SLC25A51: variants seen among roughly 807,000 people sequenced by gnomAD.
The protein encoded by SLC25A51 is mitochondrial nicotinamide adenine dinucleotide transporter SLC25A51.
Under a neutral mutation model 19.1 loss-of-function variants are expected in SLC25A51, and 11 were observed. That is an observed-to-expected ratio of 0.58 (90% CI 0.36 to 0.96). The LOEUF is 0.96. Among genes scored for constraint, SLC25A51 ranks in the 40% least tolerant of loss-of-function variants. The pLI, the probability that SLC25A51 is intolerant of heterozygous loss-of-function variation, is 0.01. For synonymous variants in SLC25A51, 105 were observed against 133.6 expected, an observed-to-expected ratio of 0.79 and a Z score of 1.47; for missense variants, 201 against 365.4, an observed-to-expected ratio of 0.55 and a Z score of 3.67.
At position 37,900,569 on chromosome 9, in the gene SLC25A51, C is replaced by G. The variant is rs370546230; in HGVS notation, c.-164-619G>C. On this transcript the variant is annotated intron_variant, in intron 1 of 2. Coordinates refer to ENST00000242275, the MANE Select transcript of SLC25A51 (RefSeq NM_033412.4). The stretch of plus-strand genomic sequence containing the variant: ...TCAGTCTCCTGAGTAGCTAGGACCA[C>G]AGGCGCATGCCACCATGCTTGGCTA... Among the ~76,000 whole-genome samples the G allele has an allele frequency of 1.2e-4, 19 of 152,214 alleles. No individual in the cohort carries two copies. In the East Asian group the frequency reaches 3.7e-3, roughly 30 times the overall value.
chr9:37,896,977 G>A (rs530718811), intron 2 of SLC25A51, among the ~76,000 whole-genome samples: 13 of 152,200 alleles, frequency 8.5e-5, no homozygotes, highest in East Asian at 3.9e-4. Flanking sequence ...TCAAGGCCCC[G>A]TACAGCAGGA....
At chr9:37,886,920 T>C (rs1831469126), downstream of SLC25A51, among the ~76,000 whole-genome samples, 2 of 152,004 alleles carry the variant, frequency 1.3e-5, no homozygotes, top group African/African-American at 2.4e-5. Flanking sequence ...TCCCAGCACT[T>C]TGGGAGGCCG....
At chr9:37,885,892 A>G (rs755113915), downstream of SLC25A51, 63 of 1,490,860 alleles carry the variant, frequency 4.2e-5, no homozygotes, top group Non-Finnish European at 5.6e-5. Context: ...CCCCCTCCCC[A>G]TATATGGGCC....
intron 2 of SLC25A51, among the ~76,000 whole-genome samples, chr9:37,890,573 C>T (rs1831560638): frequency 6.6e-6 from 1 of 151,598 alleles, no homozygotes; most frequent in Non-Finnish European, 1.5e-5. Flanking sequence ...GGCATGATGG[C>T]GTACACCAGC....
At chr9:37,885,597 T>A (rs1329091604), downstream of SLC25A51, 3 of 732,400 alleles carry the variant, frequency 4.1e-6, no homozygotes, top group African/African-American at 5.3e-5. Flanking sequence ...CACTGTGAGT[T>A]TCACTCTTTT....
At chr9:37,893,803 C>T (rs1177976335) in intron 2 of SLC25A51, among the ~76,000 whole-genome samples, 1 of 152,082 alleles carries the variant, frequency 6.6e-6, no homozygotes, top group Admixed American at 6.5e-5. Context: ...GTATAACCTA[C>T]ATGAATAGAG....
chr9:37,878,853 A>G (rs967526480), downstream of SLC25A51: 16 of 162,936 alleles, frequency 9.8e-5, no homozygotes, highest in Non-Finnish European at 1.6e-4. Context: ...CCCAGACTCA[A>G]GCAATCCTCC....
chr9:37,888,371 C>T lies in SLC25A51; in HGVS notation c.180G>A (p.Leu60=), dbSNP rs61998253. The change falls in exon 3 of 3, where the codon CTG becomes CTA. Residue 60 remains leucine (L), a synonymous_variant. Coordinates refer to ENST00000242275, the MANE Select transcript of SLC25A51 (RefSeq NM_033412.4). ...TTGCATCCCGGGTTTTGATGCCATA[C>T]AGCTGTTGTCGAAAGAGGACCTTCT... ...PIQKVLFRQQ[L]YGIKTRDAIL... The T allele has an allele frequency of 6.2e-7, 1 of 1,614,236 alleles. No homozygotes were observed. Among genetic ancestry groups the T allele is most frequent in the Non-Finnish European group, 8.5e-7 (1 of 1,180,044 alleles).
At chr9:37,880,458 T>C (rs1831328615) in exon 4 of SLC25A51, 1 of 151,180 alleles carries the variant, frequency 6.6e-6, no homozygotes, top group Non-Finnish European at 1.5e-5. Context: ...GTCAGATAAA[T>C]AGATTTAAGG....
In SLC25A51 at chr9:37,888,013, G is replaced by T. The variant is rs1247273539; in HGVS notation, c.538C>A (p.Leu180Ile). 15 of 1,612,448 alleles carry T rather than the reference G, an allele frequency of 9.3e-6. No homozygotes were observed. The highest frequency in any genetic ancestry group is 1.1e-5 in the Non-Finnish European group (13 of 1,179,866). ...ACATTGCTGAGTCCATTCCGGAAAA[G>T]AATGGGCACCAAGCCTCGATAATAC... ...GEYYRGLVPI[L>I]FRNGLSNVLF... The change falls in exon 3 of 3, where the codon CTT becomes ATT. Residue 180 changes from leucine (L) to isoleucine (I), a missense_variant. Leu to Ile is a conservative substitution (Grantham distance 5). Transcript: ENST00000242275.
downstream of SLC25A51, among the ~76,000 whole-genome samples, chr9:37,885,397 T>C (rs1250520531): frequency 6.7e-6 from 1 of 148,702 alleles, no homozygotes; most frequent in Non-Finnish European, 1.5e-5. Context: ...GAACCTTTTA[T>C]CCTATTTTGT....
rs150323590 is a variant in SLC25A51 at position 37,890,763 on chromosome 9, G to A, written c.-42-2171C>T. Among the ~76,000 whole-genome samples the A allele has an allele frequency of 1.7e-3, 253 of 151,648 alleles. 1 individual carries two copies. The highest frequency in any genetic ancestry group is 5.4e-3 in the African/African-American group (222 of 41,356). ...GGATATAACCAAAACAATTGAAAGC[G>A]CAGTCTCAAAGACCTTGTACACCCA... is the stretch of plus-strand genomic sequence containing the variant. On this transcript the variant is annotated intron_variant, in intron 2 of 2. Coordinates refer to ENST00000242275, the MANE Select transcript of SLC25A51 (RefSeq NM_033412.4).
chr9:37,888,253 C>T lies in SLC25A51; in HGVS notation c.298G>A (p.Gly100Ser). 6.2e-7 allele frequency: 1 copy of T among 1,614,200 alleles called. No individual in the cohort carries two copies. Among genetic ancestry groups the T allele is most frequent in the Non-Finnish European group, 8.5e-7 (1 of 1,180,032 alleles). Residue 100 changes from glycine to serine, a missense_variant, in exon 3 of 3, where the codon GGT becomes AGT. By Grantham distance (56) the Gly-to-Ser change is moderately conservative (BLOSUM62 0). Coordinates refer to ENST00000242275, the MANE Select transcript of SLC25A51 (RefSeq NM_033412.4). ...AGGCAGGATAAATCCTCATACAGAC[C>T]AAACATAAGTGCAAGCGTAGTTGTC... ...QKTTTLALMF[G>S]LYEDLSCLLH...
At chr9:37,898,368 C>T (rs1279503949) in intron 2 of SLC25A51, among the ~76,000 whole-genome samples, 1 of 152,176 alleles carries the variant, frequency 6.6e-6, no homozygotes. Context: ...CCAGCCTGAC[C>T]AACATGGAGA....
chr9:37,903,902 T>C (rs1218695584), intron 1 of SLC25A51, 166 bp downstream of exon 1: 3 of 152,306 alleles, frequency 2.0e-5, no homozygotes, highest in Non-Finnish European at 4.4e-5. Flanking sequence ...CCGCGCCGCC[T>C]GGGTGGGGCC....
chr9:37,892,306 T>C (rs1831608582), intron 2 of SLC25A51, among the ~76,000 whole-genome samples: 1 of 152,160 alleles, frequency 6.6e-6, no homozygotes, highest in South Asian at 2.1e-4. Context: ...TGAATAACTG[T>C]CACTATGCAC....
downstream of SLC25A51, among the ~76,000 whole-genome samples, chr9:37,883,080 A>G (rs1158449466): frequency 6.6e-6 from 1 of 152,180 alleles, no homozygotes; most frequent in Non-Finnish European, 1.5e-5. Context: ...TCTGACCTCA[A>G]GTGATCCACC....
chr9:37,902,892 G>A (rs1240344460), intron 1 of SLC25A51, among the ~76,000 whole-genome samples: 1 of 152,216 alleles, frequency 6.6e-6, no homozygotes, highest in South Asian at 2.1e-4. Flanking sequence ...TGGGGAGAGG[G>A]TGACTCCAAT....
chr9:37,897,829 A>G, intron 2 of SLC25A51, among the ~76,000 whole-genome samples: 1 of 152,156 alleles, frequency 6.6e-6, no homozygotes, highest in East Asian at 1.9e-4. Flanking sequence ...CAGGGAAACA[A>G]ATCATCAAGA....
Sources: allele counts gnomAD v4.1 joint callset (sites outside exome capture counted in the v4.1 genomes callset), GRCh38; gene constraint gnomAD v4.1.1; transcripts MANE v1.5; gene names NCBI Gene and HGNC (gene_info 2026-07-23, HGNC 2026-07-21).